MATN2: variants seen among roughly 807,000 people sequenced by gnomAD.
MATN2 encodes the protein matrilin 2, also known as matrilin-2.
A neutral mutation model predicts 103.2 loss-of-function variants in MATN2; 69 were observed. The ratio of observed to expected loss-of-function variants is 0.67; its 90% CI spans 0.55 to 0.82. The LOEUF (loss-of-function observed/expected upper bound fraction) is 0.82, where lower values mean the gene tolerates loss of function less well. Ranked by LOEUF, MATN2 falls within the 40% of genes least tolerant of loss-of-function variation. The pLI is 0.00. For synonymous variants in MATN2, 429 were observed against 450.2 expected, an observed-to-expected ratio of 0.95 and a Z score of 0.60; for missense variants, 1,023 against 1,211.5, an observed-to-expected ratio of 0.84 and a Z score of 2.31.
intron 2 of MATN2, among the ~76,000 whole-genome samples, chr8:97,928,242 T>C (rs932959919): frequency 6.2e-4 from 47 of 76,080 alleles, no homozygotes; most frequent in African/African-American, 1.6e-3. Flanking sequence ...TTTTTTTTTT[T>C]CTGAGGTGGA....
intron 5 of MATN2, among the ~76,000 whole-genome samples, chr8:97,969,940 G>T (rs1394726598): frequency 6.6e-6 from 1 of 152,240 alleles, no homozygotes; most frequent in African/African-American, 2.4e-5. Flanking sequence ...TAGAAGTTAA[G>T]CATGTCCAGC....
At chr8:98,029,543 C>A (rs1441024038) in intron 14 of MATN2, among the ~76,000 whole-genome samples, 1 of 152,150 alleles carries the variant, frequency 6.6e-6, no homozygotes, top group Admixed American at 6.5e-5. Flanking sequence ...TTATGTATAG[C>A]AAACAGAATC....
chr8:98,018,221 T>C, intron 12 of MATN2, 105 bp downstream of exon 12: 1 of 1,429,862 alleles, frequency 7.0e-7, no homozygotes, highest in Non-Finnish European at 9.6e-7. Flanking sequence ...CTGTCACAAG[T>C]GTCAGTTCCT....
intron 1 of MATN2, among the ~76,000 whole-genome samples, chr8:97,882,015 G>T (rs1197240456): frequency 1.5e-5 from 2 of 137,432 alleles, no homozygotes; most frequent in Admixed American, 8.4e-5. Flanking sequence ...TCTGCCTCCC[G>T]GGTTCAAGCA....
intron 12 of MATN2, among the ~76,000 whole-genome samples, chr8:98,020,218 T>C (rs1813538740): frequency 6.6e-6 from 1 of 152,210 alleles, no homozygotes; most frequent in African/African-American, 2.4e-5. Flanking sequence ...CTATCTTAGC[T>C]CACTGTAATC....
intron 1 of MATN2, among the ~76,000 whole-genome samples, chr8:97,873,820 G>T (rs1419427703): frequency 1.3e-5 from 2 of 151,912 alleles, no homozygotes; most frequent in Non-Finnish European, 2.9e-5. Context: ...CAGAGACAGG[G>T]TCTCGCCATG....
intron 6 of MATN2, among the ~76,000 whole-genome samples, chr8:97,993,000 G>T (rs1812452647): frequency 6.6e-6 from 1 of 151,780 alleles, no homozygotes; most frequent in East Asian, 1.9e-4. Flanking sequence ...AAGTAATGTG[G>T]GATCTTACTA....
In MATN2 at chr8:98,007,450, A is replaced by C. The variant is rs1813011878; in HGVS notation, c.1451-29A>C. 6.2e-7 allele frequency: 1 copy of C among 1,603,760 alleles called. No individual in the cohort carries two copies. The highest frequency in any genetic ancestry group is 1.3e-5 in the African/African-American group (1 of 74,754). On this transcript the variant is annotated intron_variant, in intron 9 of 18. Coordinates refer to ENST00000254898, the MANE Select transcript of MATN2 (RefSeq NM_002380.5). This position sits in a 1 kb window ranked among gnomAD's most constrained non-coding sequence, Gnocchi z 4.2. ...ACTGTCGCCCAGAGGTCTCACTGATAAAGGGCTGCCTGGCTTTTGGTTTTG... is the reference window on the plus strand; with the variant it reads ...ACTGTCGCCCAGAGGTCTCACTGATCAAGGGCTGCCTGGCTTTTGGTTTTG...
At chr8:97,889,084 A>G (rs1818538208) in intron 2 of MATN2, among the ~76,000 whole-genome samples, 1 of 152,192 alleles carries the variant, frequency 6.6e-6, no homozygotes. Flanking sequence ...CACAACTGTC[A>G]TTCTATTAAG....
chr8:98,018,524 C>T (rs976322698), intron 12 of MATN2, among the ~76,000 whole-genome samples: 1 of 152,104 alleles, frequency 6.6e-6, no homozygotes, highest in East Asian at 1.9e-4. Context: ...AGGGTGTATT[C>T]GTCCATTTTC....
At chr8:97,979,102 T>A (rs2130310786) in intron 6 of MATN2, 94 bp downstream of exon 6, 2 of 1,386,060 alleles carry the variant, frequency 1.4e-6, no homozygotes, top group East Asian at 4.6e-5. Context: ...AGATTAGCAA[T>A]ATAATTATGT....
Position 98,007,663 on chromosome 8 carries a change from G to A in MATN2, c.1573+62G>A, listed in dbSNP as rs147096722. On this transcript the variant is annotated intron_variant, in intron 10 of 18. Coordinates refer to ENST00000254898, the MANE Select transcript of MATN2 (RefSeq NM_002380.5). This position sits in a 1 kb window ranked among gnomAD's most constrained non-coding sequence, Gnocchi z 4.2. Reference sequence around the variant, plus strand: ...GTTCCGTGGGTGCCGGTGTGGGTGCGCTGCCGACGTGTATATGTGCCTGTG... The same window carrying A: ...GTTCCGTGGGTGCCGGTGTGGGTGCACTGCCGACGTGTATATGTGCCTGTG... 4,510 of 1,559,982 alleles carry A rather than the reference G, an allele frequency of 2.9e-3. 25 individuals carry two copies. Among genetic ancestry groups the A allele is most frequent in the South Asian group, 3.9e-3 (335 of 85,682 alleles).
chr8:97,910,769 T>G (rs1337647495), intron 2 of MATN2, among the ~76,000 whole-genome samples: 1 of 152,150 alleles, frequency 6.6e-6, no homozygotes, highest in Non-Finnish European at 1.5e-5. Context: ...TGTGTGACCT[T>G]GGGCAAATAA....
chr8:97,888,433 A>G (rs1818518947), intron 2 of MATN2, among the ~76,000 whole-genome samples, 191 bp downstream of exon 2: 3 of 152,224 alleles, frequency 2.0e-5, no homozygotes, highest in South Asian at 2.1e-4. Flanking sequence ...AGTTTTCAAA[A>G]TAAACTTTTC....
chr8:97,885,343 G>C (rs1220881121), intron 1 of MATN2, among the ~76,000 whole-genome samples: 1 of 152,214 alleles, frequency 6.6e-6, no homozygotes, highest in African/African-American at 2.4e-5. Flanking sequence ...GTGAGGGCAT[G>C]ATGGTGCACA....
At chr8:97,874,475 G>A (rs59158546) in intron 1 of MATN2, among the ~76,000 whole-genome samples, 1,546 of 150,568 alleles carry the variant, frequency 0.01, 26 homozygotes, top group African/African-American at 0.035. Context: ...GTGCGATCAC[G>A]GCTCACTGAA....
chr8:97,957,586 G>A (rs529363368), intron 4 of MATN2, among the ~76,000 whole-genome samples: 29 of 152,312 alleles, frequency 1.9e-4, no homozygotes, highest in African/African-American at 6.0e-4. Context: ...TCTGGGATGC[G>A]AGCAGTAATC....
At chr8:97,916,465 G>A (rs1478275311) in intron 2 of MATN2, among the ~76,000 whole-genome samples, 2 of 152,158 alleles carry the variant, frequency 1.3e-5, no homozygotes, top group African/African-American at 4.8e-5. Context: ...GGGGCTGGTT[G>A]TACAGATTAT....
At chr8:97,947,315 G>T (rs1251529899) in intron 4 of MATN2, among the ~76,000 whole-genome samples, 1 of 152,188 alleles carries the variant, frequency 6.6e-6, no homozygotes, top group Non-Finnish European at 1.5e-5. Flanking sequence ...TAGGTTGTGA[G>T]CCAAGATTGC....
Sources: allele counts gnomAD v4.1 joint callset (sites outside exome capture counted in the v4.1 genomes callset), GRCh38; gene constraint gnomAD v4.1.1; non-coding constraint Gnocchi (gnomAD v3.1); transcripts MANE v1.5; gene names NCBI Gene and HGNC (gene_info 2026-07-23, HGNC 2026-07-21).